The following NAALADL2 variants were observed in gnomAD, a reference collection of about 807,000 sequenced individuals.
NAALADL2 encodes inactive N-acetylated-alpha-linked acidic dipeptidase-like protein 2.
NAALADL2 carries 76 observed loss-of-function variants against 87.2 expected under a neutral mutation model. The ratio of observed to expected loss-of-function variants is 0.87; its 90% CI spans 0.72 to 1.05. NAALADL2 has a LOEUF of 1.05. NAALADL2 is among the 50% of genes least tolerant of loss of function. NAALADL2 has a pLI of 0.00. For synonymous variants in NAALADL2, 354 were observed against 331.0 expected (o/e 1.07, Z -0.75); for missense variants, 1,089 against 945.8 (o/e 1.15, Z -1.99).
chr3:174,961,796 T>C (rs1412976101), intron 1 of NAALADL2, among the ~76,000 whole-genome samples: 1 of 152,174 alleles, frequency 6.6e-6, no homozygotes, highest in Non-Finnish European at 1.5e-5. Context: ...AAGATACATA[T>C]GTTAAACTTA....
rs191209853 is a variant in NAALADL2 at position 175,807,736 on chromosome 3, C to A, written c.*4533C>A. The A allele has an allele frequency of 6.6e-6, 1 of 151,830 alleles. No individual in the cohort carries two copies. Among genetic ancestry groups the A allele is most frequent in the Non-Finnish European group, 1.5e-5 (1 of 67,884 alleles). The allele number at this position is 151,830 out of a possible 1,614,324, so 9.4% of individuals were successfully genotyped here. A position where few individuals can be genotyped will look rare whatever the true frequency, so the allele number is the denominator to read the frequency against. The stretch of plus-strand genomic sequence containing the variant: ...TATTTGAGAAAATATATATATTCTG[C>A]CCAGCCACACTGGTGAGTTTTTATT... On this transcript the variant is annotated 3_prime_UTR_variant, in exon 14 of 14. Coordinates refer to ENST00000454872, the MANE Select transcript of NAALADL2 (RefSeq NM_207015.3).
intron 2 of NAALADL2, among the ~76,000 whole-genome samples, chr3:174,607,279 T>G (rs1050660210): frequency 6.7e-6 from 1 of 150,148 alleles, no homozygotes; most frequent in Non-Finnish European, 1.5e-5. Context: ...ATCAACCAGC[T>G]AACATCATAA....
rs533558594 is a variant in NAALADL2, at chr3:174,786,612, C to CT, written c.-9+48873dup. Among the ~76,000 whole-genome samples, 376 of 149,446 alleles carry CT rather than the reference C, an allele frequency of 2.5e-3. 2 individuals are homozygous for CT. Among genetic ancestry groups the CT allele is most frequent in the African/African-American group, 8.6e-3 (352 of 41,004 alleles). On this transcript the variant is annotated intron_variant, in intron 3 of 3. Transcript: ENST00000434257. ...TAATACTGAGATTTTTTTTGTTTAT[C>CT]TTTTTTTGTCTAAGAAACCATTCTG...
chr3:175,159,680 A>G (rs1732832443), intron 2 of NAALADL2, among the ~76,000 whole-genome samples: 1 of 152,170 alleles, frequency 6.6e-6, no homozygotes. Flanking sequence ...ACATGGGACT[A>G]TTTGAAATAA....
chr3:174,479,222 C>T (rs556097386), intron 1 of NAALADL2, among the ~76,000 whole-genome samples: 6 of 152,150 alleles, frequency 3.9e-5, no homozygotes, highest in African/African-American at 1.2e-4. Context: ...AAGATTTAAT[C>T]GAAGTTTAAT....
intron 1 of NAALADL2, among the ~76,000 whole-genome samples, chr3:175,034,819 G>C (rs115203426): frequency 0.026 from 3,930 of 152,228 alleles, 179 homozygotes; most frequent in African/African-American, 0.09. Context: ...TTAGCACAAA[G>C]CACTTAGAAC....
chr3:174,837,183 C>T (rs532114774), intron 3 of NAALADL2, among the ~76,000 whole-genome samples: 3 of 151,790 alleles, frequency 2.0e-5, no homozygotes, highest in African/African-American at 7.2e-5. Flanking sequence ...AAAAAAAATA[C>T]AAAAGAGAAA....
chr3:175,762,153 T>G (rs1748103293), intron 13 of NAALADL2, among the ~76,000 whole-genome samples: 1 of 150,924 alleles, frequency 6.6e-6, no homozygotes, highest in South Asian at 2.1e-4. Flanking sequence ...TGATCCATTC[T>G]GAGTTAATTT....
intron 13 of NAALADL2, among the ~76,000 whole-genome samples, chr3:175,766,990 A>G (rs1748783267): frequency 1.3e-5 from 2 of 152,216 alleles, no homozygotes; most frequent in African/African-American, 2.4e-5. Context: ...GCACGATTCT[A>G]TAAAGCACAC....
At chr3:174,470,088 C>T (rs1223414284) in intron 1 of NAALADL2, among the ~76,000 whole-genome samples, 1 of 151,630 alleles carries the variant, frequency 6.6e-6, no homozygotes, top group Non-Finnish European at 1.5e-5. Flanking sequence ...GTTCTTAACA[C>T]TACTATATAT....
intron 4 of NAALADL2, among the ~76,000 whole-genome samples, chr3:175,289,599 C>T (rs1359883673): frequency 1.7e-5 from 1 of 58,846 alleles, no homozygotes; most frequent in African/African-American, 8.2e-5. Flanking sequence ...GCCTCCCTCC[C>T]CCCAAAAAAA....
chr3:175,388,237 ATAG>A (rs1768640488), intron 5 of NAALADL2, among the ~76,000 whole-genome samples: 1 of 152,104 alleles, frequency 6.6e-6, no homozygotes, highest in Admixed American at 6.6e-5. Flanking sequence ...GATCTATCTG[ATAG>A]TAGAGGCGCT....
At chr3:174,925,748 A>C (rs113700864) in intron 1 of NAALADL2, among the ~76,000 whole-genome samples, 5,438 of 152,096 alleles carry the variant, frequency 0.036, 322 homozygotes, top group African/African-American at 0.12. Flanking sequence ...CTTTTATTTC[A>C]TTGAGCTGTG....
intron 9 of NAALADL2, among the ~76,000 whole-genome samples, chr3:175,482,523 G>A (rs1726630802): frequency 6.6e-6 from 1 of 151,876 alleles, no homozygotes; most frequent in South Asian, 2.1e-4. Context: ...CTTTCATCAT[G>A]ACGTGTAAGT....
chr3:174,614,503 C>T (rs971083920), intron 2 of NAALADL2, among the ~76,000 whole-genome samples: 2 of 152,110 alleles, frequency 1.3e-5, no homozygotes, highest in Admixed American at 1.3e-4. Flanking sequence ...CAGTGTCTCA[C>T]CATTTTTGTG....
Position 175,648,468 on chromosome 3 carries a change from G to A in NAALADL2, c.1896+21082G>A, listed in dbSNP as rs1284264712. On this transcript the variant is annotated intron_variant, in intron 11 of 13. Transcript: ENST00000454872. The stretch of plus-strand genomic sequence containing the variant: ...CCCTGTTGGCAATGATTCAAGTGAA[G>A]CATTTTGAAATTCAGACAATTTTCT... 2.7e-5 allele frequency among the ~76,000 whole-genome samples: 4 copies of A among 150,438 alleles called. No homozygotes were observed. In the East Asian group the frequency reaches 7.8e-4, roughly 29 times the overall value.
chr3:174,840,910 A>C (rs1358282488), intron 3 of NAALADL2, among the ~76,000 whole-genome samples: 1 of 152,136 alleles, frequency 6.6e-6, no homozygotes, highest in African/African-American at 2.4e-5. Flanking sequence ...AGTCAGCAGG[A>C]AAGTAGAAGT....
chr3:175,044,696 A>G (rs762075899), intron 1 of NAALADL2, among the ~76,000 whole-genome samples: 4 of 152,112 alleles, frequency 2.6e-5, no homozygotes, highest in Non-Finnish European at 4.4e-5. Flanking sequence ...ATTATTTTCT[A>G]TGGGGCCACA....
At chr3:175,703,957 G>A (rs924394052) in intron 11 of NAALADL2, among the ~76,000 whole-genome samples, 2 of 152,074 alleles carry the variant, frequency 1.3e-5, no homozygotes, top group African/African-American at 4.8e-5. Flanking sequence ...GGAAGTTCAG[G>A]TCCAGCCCTT....
Sources: allele counts gnomAD v4.1 joint callset (sites outside exome capture counted in the v4.1 genomes callset), GRCh38; gene constraint gnomAD v4.1.1; transcripts MANE v1.5; gene names NCBI Gene and HGNC (gene_info 2026-07-23, HGNC 2026-07-21).